MAP3K9: variants seen among roughly 807,000 people sequenced by gnomAD.
MAP3K9 encodes mixed lineage kinase 1 (tyr and ser/thr specificity).
In MAP3K9, 46 loss-of-function variants were observed where a neutral mutation model predicts 95.8. The observed-to-expected ratio is 0.48, with a 90% CI of 0.38 to 0.61. MAP3K9 has a LOEUF of 0.61. MAP3K9 is among the 20% of genes least tolerant of loss of function. The pLI, the probability that MAP3K9 is intolerant of heterozygous loss-of-function variation, is 0.00. For synonymous variants in MAP3K9, 533 were observed against 593.8 expected (o/e 0.90, Z 1.49); for missense variants, 1,296 against 1,474.3 (o/e 0.88, Z 1.98).
At chr14:70,795,060 C>T (rs1462691757) in intron 2 of MAP3K9, among the ~76,000 whole-genome samples, 3 of 130,318 alleles carry the variant, frequency 2.3e-5, no homozygotes, top group Non-Finnish European at 4.7e-5. Flanking sequence ...GTGGCTCAAT[C>T]TTGGCTCACC....
intron 2 of MAP3K9, among the ~76,000 whole-genome samples, chr14:70,797,476 G>T (rs563152806): frequency 1.3e-5 from 2 of 151,844 alleles, no homozygotes; most frequent in Non-Finnish European, 2.9e-5. Flanking sequence ...ACTGGCTCAC[G>T]CCTGTAGTCC....
At chr14:70,735,883 G>T in intron 9 of MAP3K9, 78 bp downstream of exon 9, 1 of 1,111,546 alleles carries the variant, frequency 9.0e-7, no homozygotes, top group East Asian at 2.4e-5. Flanking sequence ...TGATTCTATG[G>T]GGTATGCTGT....
At chr14:70,736,149 C>T in intron 8 of MAP3K9, 120 bp from the exon 9 acceptor site, 1 of 735,898 alleles carries the variant, frequency 1.4e-6, no homozygotes, top group Admixed American at 1.9e-5. Flanking sequence ...TCCCACTGTC[C>T]AGACACAAAG....
chr14:70,734,363 C>T (rs1390874138), intron 10 of MAP3K9, 23 bp downstream of exon 10: 17 of 1,546,902 alleles, frequency 1.1e-5, no homozygotes, highest in Non-Finnish European at 1.3e-5. Context: ...ACAGCCAAGA[C>T]TCTCAAGAGG....
chr14:70,758,132 T>A (rs940585151), intron 3 of MAP3K9, among the ~76,000 whole-genome samples: 4 of 151,978 alleles, frequency 2.6e-5, no homozygotes, highest in East Asian at 1.9e-4. Flanking sequence ...GAAAAAAAAA[T>A]TTGCTAATCA....
chr14:70,779,525 T>A (rs918190257), intron 2 of MAP3K9, among the ~76,000 whole-genome samples: 5 of 152,220 alleles, frequency 3.3e-5, no homozygotes, highest in Non-Finnish European at 7.3e-5. Context: ...TTGCTCTGGC[T>A]AAGTCCCTGT....
chr14:70,738,455 A>G, intron 7 of MAP3K9, 57 bp from the exon 8 acceptor site: 1 of 1,523,420 alleles, frequency 6.6e-7, no homozygotes, highest in Non-Finnish European at 9.1e-7. Flanking sequence ...GGCTCCCCCA[A>G]ACTAGCCTCT....
intron 8 of MAP3K9, among the ~76,000 whole-genome samples, chr14:70,737,509 CG>C: frequency 6.6e-6 from 1 of 152,164 alleles, no homozygotes; most frequent in Non-Finnish European, 1.5e-5. Context: ...CTCAAGCCCA[CG>C]AGTGAGAACA....
chr14:70,764,018 T>C (rs1219350941), intron 2 of MAP3K9, among the ~76,000 whole-genome samples: 2 of 147,754 alleles, frequency 1.4e-5, no homozygotes, highest in East Asian at 2.0e-4. Flanking sequence ...ACCCCGTCTC[T>C]ACTAAAAATA....
intron 2 of MAP3K9, among the ~76,000 whole-genome samples, chr14:70,781,139 G>A (rs1277638902): frequency 1.3e-5 from 2 of 152,222 alleles, no homozygotes; most frequent in African/African-American, 4.8e-5. Flanking sequence ...CACTTTAACA[G>A]AATGCAGAAG....
At chr14:70,751,900 G>A (rs750881543) in intron 3 of MAP3K9, among the ~76,000 whole-genome samples, 11 of 152,098 alleles carry the variant, frequency 7.2e-5, no homozygotes, top group Non-Finnish European at 1.5e-4. Context: ...ATTACTAAGG[G>A]CATACACAGA....
chr14:70,801,794 G>A (rs570578189), intron 1 of MAP3K9, among the ~76,000 whole-genome samples: 2 of 152,214 alleles, frequency 1.3e-5, no homozygotes, highest in Non-Finnish European at 2.9e-5. Context: ...GAGTGAGTGG[G>A]AGAGATCTCA....
intron 2 of MAP3K9, among the ~76,000 whole-genome samples, chr14:70,799,713 G>A (rs1262449449): frequency 6.6e-6 from 1 of 152,176 alleles, no homozygotes; most frequent in East Asian, 1.9e-4. Context: ...GGAACAGCCT[G>A]GAGCAAAACA....
At chr14:70,787,892 G>A (rs765192594) in intron 2 of MAP3K9, among the ~76,000 whole-genome samples, 94 of 152,164 alleles carry the variant, frequency 6.2e-4, no homozygotes, top group Admixed American at 1.8e-3. Context: ...TACATGCGAA[G>A]TCCTATACTA....
At chr14:70,782,732 C>T (rs2054697061) in intron 2 of MAP3K9, among the ~76,000 whole-genome samples, 3 of 152,200 alleles carry the variant, frequency 2.0e-5, no homozygotes, top group Non-Finnish European at 2.9e-5. Context: ...CTAATTCCTT[C>T]CTCCCACCTC....
intron 2 of MAP3K9, among the ~76,000 whole-genome samples, chr14:70,768,201 C>T (rs1446752557): frequency 1.3e-5 from 2 of 151,848 alleles, no homozygotes; most frequent in East Asian, 1.9e-4. Context: ...GATGGATATC[C>T]CATTTTCCAT....
intron 2 of MAP3K9, among the ~76,000 whole-genome samples, chr14:70,798,470 A>ATTTTTT (rs1355994940): frequency 1.9e-4 from 21 of 108,328 alleles, no homozygotes; most frequent in African/African-American, 6.5e-4. Context: ...GGTCACCAAA[A>ATTTTTT]GTTTTTTTTT....
rs1205432138 is a variant in MAP3K9 at position 70,750,000 on chromosome 14, C to G, written c.1083G>C (p.Val361=). 1 of 1,614,180 alleles carries G rather than the reference C, an allele frequency of 6.2e-7. No homozygotes were observed. Among genetic ancestry groups the G allele is most frequent in the Admixed American group, 1.7e-5 (1 of 60,014 alleles). The change falls in exon 4 of 12, where the codon GTG becomes GTC. Residue 361 remains valine, a synonymous_variant. Coordinates refer to ENST00000554752, the MANE Select transcript of MAP3K9 (RefSeq NM_001284230.2). ...TAGGAAGGGCGAGTTTGTTCATGGC[C>G]ACTCCATAAGCGACTGCTAAGCCAT... ...GIDGLAVAYG[V]AMNKLALPIP... is the part of the protein sequence containing the mutation.
At chr14:70,735,921 T>G (rs984991196) in intron 9 of MAP3K9, 40 bp downstream of exon 9, 4 of 1,421,030 alleles carry the variant, frequency 2.8e-6, no homozygotes, top group Non-Finnish European at 3.0e-6. Context: ...AGGGAGATTG[T>G]TACCAGGACA....
Sources: gnomAD v4.1 joint callset for allele counts (sites outside exome capture counted in the v4.1 genomes callset) on GRCh38, gnomAD v4.1.1 for gene constraint, MANE v1.5 for transcripts, NCBI Gene and HGNC (gene_info 2026-07-23, HGNC 2026-07-21) for gene names.